Variants in RTN4 observed in about 807,000 individuals in gnomAD.
The protein encoded by RTN4 is reticulon-4.
A neutral mutation model predicts 90.4 loss-of-function variants in RTN4; 32 were observed. The ratio of observed to expected loss-of-function variants is 0.35; its 90% CI spans 0.27 to 0.48. The LOEUF (loss-of-function observed/expected upper bound fraction) is 0.48. Ranked by LOEUF, RTN4 falls within the 20% of genes least tolerant of loss-of-function variation. The pLI is 0.99. For missense variants in RTN4, 1,706 were observed against 1,430.2 expected, an observed-to-expected ratio of 1.19 and a Z score of -3.11; for synonymous variants, 629 against 552.5, an observed-to-expected ratio of 1.14 and a Z score of -1.94.
intron 3 of RTN4, among the ~76,000 whole-genome samples, chr2:54,996,018 A>G (rs992050087): frequency 6.6e-6 from 1 of 152,242 alleles, no homozygotes; most frequent in Non-Finnish European, 1.5e-5. Context: ...AGAGTCCAGC[A>G]AGGCTGTAGG....
Position 55,066,169 on chromosome 2 carries a change from T to TTGTGTGTG in RTN4, c.-63+14312_-63+14319dup, listed in dbSNP as rs71410416. 2.5e-3 allele frequency among the ~76,000 whole-genome samples: 356 copies of TTGTGTGTG among 142,348 alleles called. 1 individual carries two copies. Among genetic ancestry groups the TTGTGTGTG allele is most frequent in the East Asian group, 9.6e-3 (47 of 4,906 alleles). The allele number at this position is 142,348 out of a possible 152,430, so 93.4% of individuals were successfully genotyped here. A position where few individuals can be genotyped will look rare whatever the true frequency, so the allele number is the denominator to read the frequency against. On this transcript the variant is annotated intron_variant, in intron 2 of 3. Transcript: ENST00000427710. ...AAGTAGTTTGTTAGTATGAACCCAT[T>TTGTGTGTG]TGTGTGTGTGTGTGTGTGTGTGTTT...
At chr2:55,126,120 T>C in the RTN4 span, among the ~76,000 whole-genome samples, 1 of 151,028 alleles carries the variant, frequency 6.6e-6, no homozygotes, top group Non-Finnish European at 1.5e-5. Context: ...TCCCAGCACT[T>C]TGGGAGGCCA....
At chr2:55,104,647 G>A (rs1468529612) in intron 1 of RTN4, among the ~76,000 whole-genome samples, 3 of 151,548 alleles carry the variant, frequency 2.0e-5, no homozygotes, top group African/African-American at 7.3e-5. Context: ...CACCGTGCCT[G>A]GCCTTGTTTT....
chr2:55,115,645 G>A (rs555909232), upstream of RTN4, among the ~76,000 whole-genome samples: 7 of 152,306 alleles, frequency 4.6e-5, no homozygotes, highest in African/African-American at 1.7e-4. Flanking sequence ...AAAGCAGTCT[G>A]CTCCCAATAG....
chr2:55,051,445 G>C (rs1668087267), upstream of RTN4, among the ~76,000 whole-genome samples: 1 of 152,200 alleles, frequency 6.6e-6, no homozygotes. Context: ...TGATATGCAG[G>C]AATAAGCATG....
At chr2:54,984,990 T>C (rs1425664952) in intron 4 of RTN4, among the ~76,000 whole-genome samples, 2 of 151,994 alleles carry the variant, frequency 1.3e-5, no homozygotes, top group Non-Finnish European at 2.9e-5. Context: ...AGGAAATAAA[T>C]CACTAATATT....
At chr2:55,062,348 G>A (rs930069987) in intron 2 of RTN4, among the ~76,000 whole-genome samples, 1 of 152,080 alleles carries the variant, frequency 6.6e-6, no homozygotes, top group African/African-American at 2.4e-5. Flanking sequence ...CCTACAGATG[G>A]CTAAACTAAA....
chr2:55,103,299 G>A (rs1435337282), intron 1 of RTN4, among the ~76,000 whole-genome samples: 1 of 151,938 alleles, frequency 6.6e-6, no homozygotes, highest in African/African-American at 2.4e-5. Context: ...GTAGAATTGT[G>A]GTTACCAGAG....
Position 55,023,344 on chromosome 2 carries a change from G to T in RTN4, c.3013+1742C>A, listed in dbSNP as rs575424928. Among the ~76,000 whole-genome samples, 113 of 152,226 alleles carry T rather than the reference G, an allele frequency of 7.4e-4. No homozygotes were observed. In the Middle Eastern group the frequency reaches 0.017, roughly 23 times the overall value. On this transcript the variant is annotated intron_variant, in intron 3 of 8. Transcript: ENST00000337526. ...TAATACAATGCCTTTGGTTTCCCTAGTCAGAGGTATTGCAGATCTCTTCCA... is the reference window on the plus strand; with the variant it reads ...TAATACAATGCCTTTGGTTTCCCTATTCAGAGGTATTGCAGATCTCTTCCA...
At chr2:55,045,348 T>G (rs185582045) in intron 1 of RTN4, among the ~76,000 whole-genome samples, 30 of 152,332 alleles carry the variant, frequency 2.0e-4, no homozygotes, top group South Asian at 6.2e-4. Flanking sequence ...TAAAAACAGA[T>G]TCACAGCCAA....
Position 55,025,803 on chromosome 2 carries a change from G to C in RTN4, c.2296C>G (p.Leu766Val). 6.2e-7 allele frequency: 1 copy of C among 1,613,524 alleles called. No individual in the cohort carries two copies. The highest frequency in any genetic ancestry group is 8.5e-7 in the Non-Finnish European group (1 of 1,179,782). The change falls in exon 3 of 9, where the codon CTT becomes GTT. Residue 766 changes from leucine to valine, a missense_variant. Coordinates refer to ENST00000337526, the MANE Select transcript of RTN4 (RefSeq NM_020532.5). ...VPQKQDETVM[L>V]VKESLTETSF... ...GTCTCAGTGAGACTTTCTTTCACAAGCATCACAGTTTCATCTTGTTTTTGT... is the reference window on the plus strand; with the variant it reads ...GTCTCAGTGAGACTTTCTTTCACAACCATCACAGTTTCATCTTGTTTTTGT...
chr2:55,046,681 A>G (rs1315300598), intron 1 of RTN4: 1 of 152,244 alleles, frequency 6.6e-6, no homozygotes, highest in East Asian at 1.9e-4. Flanking sequence ...CAAAGCTTAG[A>G]ATAGATCCTG....
chr2:55,071,546 A>T (rs1463965445), intron 2 of RTN4, among the ~76,000 whole-genome samples: 2 of 94,006 alleles, frequency 2.1e-5, no homozygotes, highest in Admixed American at 1.1e-4. Context: ...TTGCCATCAA[A>T]AAAAAAAAAA....
chr2:54,975,385 G>A (rs932872866), intron 5 of RTN4, among the ~76,000 whole-genome samples: 5 of 152,112 alleles, frequency 3.3e-5, no homozygotes, highest in Non-Finnish European at 7.3e-5. Context: ...CTACTTAGTA[G>A]GTAACAAACA....
the RTN4 span, among the ~76,000 whole-genome samples, chr2:55,121,926 G>C: frequency 6.6e-6 from 1 of 152,152 alleles, no homozygotes; most frequent in Non-Finnish European, 1.5e-5. Context: ...AAGATTGCTA[G>C]AGTACATAAC....
chr2:55,044,785 TAAAAAAAAA>T (rs10639848), intron 1 of RTN4, among the ~76,000 whole-genome samples: 7 of 65,666 alleles, frequency 1.1e-4, no homozygotes, highest in African/African-American at 3.1e-4. Context: ...TGCAAATCAC[TAAAAAAAAA>T]AAAAAAAAAA....
At chr2:55,121,126 T>C in the RTN4 span, among the ~76,000 whole-genome samples, 1 of 152,240 alleles carries the variant, frequency 6.6e-6, no homozygotes, top group Non-Finnish European at 1.5e-5. Flanking sequence ...TGAGACTGTT[T>C]TCCAGTCATT....
At chr2:55,118,160 C>T in the RTN4 span, among the ~76,000 whole-genome samples, 1 of 152,084 alleles carries the variant, frequency 6.6e-6, no homozygotes, top group Non-Finnish European at 1.5e-5. Flanking sequence ...CAAAATTTTG[C>T]CCCATCTTTT....
intron 1 of RTN4, among the ~76,000 whole-genome samples, chr2:55,042,799 G>C (rs748668972): frequency 6.6e-6 from 1 of 152,140 alleles, no homozygotes; most frequent in Non-Finnish European, 1.5e-5. Context: ...CTGCAATGCA[G>C]ACACAATGCA....
Sources: allele counts gnomAD v4.1 joint callset (sites outside exome capture counted in the v4.1 genomes callset), GRCh38; gene constraint gnomAD v4.1.1; transcripts MANE v1.5; gene names NCBI Gene and HGNC (gene_info 2026-07-23, HGNC 2026-07-21).